Variants in STRN observed in about 807,000 individuals in gnomAD.
STRN encodes striatin.
In STRN, 53 loss-of-function variants were observed where a neutral mutation model predicts 96.3. The ratio of observed to expected loss-of-function variants is 0.55; its 90% CI spans 0.44 to 0.69. The LOEUF (loss-of-function observed/expected upper bound fraction) is 0.69, where lower values mean the gene tolerates loss of function less well. Among genes scored for constraint, STRN ranks in the 30% least tolerant of loss-of-function variants. The probability of loss-of-function intolerance (pLI) is 0.00; values close to 1 mark genes in which losing one functional copy is unlikely to be tolerated. For missense variants in STRN, 987 were observed against 963.9 expected (o/e 1.02, Z -0.32); for synonymous variants, 428 against 355.9 (o/e 1.20, Z -2.28).
chr2:36,957,759 T>TG, intron 1 of STRN, among the ~76,000 whole-genome samples: 6 of 114,582 alleles, frequency 5.2e-5, no homozygotes, highest in Non-Finnish European at 9.5e-5. Context: ...TTTTTTTTTT[T>TG]TTTTTTTTTT....
chr2:36,890,506 CAG>C (rs1669363816), intron 7 of STRN, among the ~76,000 whole-genome samples: 1 of 109,504 alleles, frequency 9.1e-6, no homozygotes. Context: ...TTTTTTGAGA[CAG>C]AGTCTCGCTC....
In STRN at chr2:36,861,225, T is replaced by C. The variant is rs1228185527; in HGVS notation, c.1576A>G (p.Ser526Gly). The C allele has an allele frequency of 1.2e-6, 2 of 1,613,950 alleles. No homozygotes were observed. The highest frequency in any genetic ancestry group is 2.2e-5 in the East Asian group (1 of 44,886). Residue 526 changes from serine (S) to glycine (G), a missense_variant, in exon 13 of 18, where the codon AGC (serine) becomes GGC (glycine). Transcript: ENST00000263918. Reference protein sequence around the residue: ...KGPVLCVVMSSNGEQCYSGGT... With the variant: ...KGPVLCVVMSGNGEQCYSGGT... ...CCACTGTAACACTGCTCACCATTGC[T>C]GCTCATTACCACACAAAGCACTGGA...
intron 1 of STRN, among the ~76,000 whole-genome samples, chr2:36,956,699 G>C (rs1476036962): frequency 1.3e-5 from 2 of 152,130 alleles, no homozygotes; most frequent in African/African-American, 4.8e-5. Flanking sequence ...TCAAGATTTT[G>C]GAGAAAAACT....
intron 3 of STRN, among the ~76,000 whole-genome samples, chr2:36,910,343 T>C (rs893767326): frequency 6.6e-5 from 10 of 152,156 alleles, no homozygotes; most frequent in Non-Finnish European, 1.5e-4. Context: ...TTTTTTTTCA[T>C]ATTAGTATTT....
chr2:36,959,416 T>C (rs1029234984), intron 1 of STRN, among the ~76,000 whole-genome samples: 5 of 152,210 alleles, frequency 3.3e-5, no homozygotes, highest in African/African-American at 7.2e-5. Flanking sequence ...ATGATTAGCC[T>C]GGCCCCTAGA....
At chr2:36,955,123 G>T (rs932358570) in intron 1 of STRN, among the ~76,000 whole-genome samples, 14 of 152,094 alleles carry the variant, frequency 9.2e-5, no homozygotes, top group African/African-American at 3.4e-4. Flanking sequence ...AAATTCACTT[G>T]GCTCCTTCAG....
In STRN at chr2:36,845,923, AC is replaced by A. The variant is rs1668060948; in HGVS notation, c.*3532del. ...CACACACACGCATGCATGCACACACACACACACACACACACACACACACACA... is the reference window on the plus strand; with the variant it reads ...CACACACACGCATGCATGCACACACAACACACACACACACACACACACACA... On this transcript the variant is annotated 3_prime_UTR_variant, in exon 18 of 18. Coordinates refer to ENST00000263918, the MANE Select transcript of STRN (RefSeq NM_003162.4). 1.2e-5 allele frequency: 1 copy of A among 82,780 alleles called. No individual in the cohort carries two copies. Among genetic ancestry groups the A allele is most frequent in the Admixed American group, 1.1e-4 (1 of 9,096 alleles). 5.1% of individuals were successfully genotyped at this position (82,780 alleles called of 1,614,324 possible). A position where few individuals can be genotyped will look rare whatever the true frequency, so the allele number is the denominator to read the frequency against.
intron 11 of STRN, among the ~76,000 whole-genome samples, chr2:36,868,591 A>G (rs1431894351): frequency 2.6e-5 from 4 of 152,222 alleles, no homozygotes; most frequent in African/African-American, 9.6e-5. Context: ...TATAACCAGT[A>G]AACTATTTTT....
intron 3 of STRN, among the ~76,000 whole-genome samples, chr2:36,911,428 C>CACTACTGCCTGCATGTCAAATCCAGCCT (rs1669963244): frequency 3.9e-5 from 6 of 152,170 alleles, no homozygotes; most frequent in Admixed American, 3.3e-4. Flanking sequence ...GGGGCCAGCA[C>CACTACTGCCTGCATGTCAAATCCAGCCT]ACTACTGCCT....
intron 6 of STRN, among the ~76,000 whole-genome samples, chr2:36,895,880 C>T (rs781084279): frequency 2.0e-5 from 3 of 151,968 alleles, no homozygotes; most frequent in African/African-American, 4.8e-5. Context: ...GCTGACATCA[C>T]GCCACTGCGC....
intron 15 of STRN, among the ~76,000 whole-genome samples, chr2:36,854,437 T>A (rs749090975): frequency 6.6e-6 from 1 of 152,046 alleles, no homozygotes; most frequent in Non-Finnish European, 1.5e-5. Flanking sequence ...AACAACAGGT[T>A]AGGAAGGGAA....
intron 2 of STRN, among the ~76,000 whole-genome samples, chr2:36,916,831 C>CTCGGATTTAACT (rs1670111883): frequency 6.6e-6 from 1 of 151,842 alleles, no homozygotes. Context: ...AGGATTTAAC[C>CTCGGATTTAACT]ATCTGATTTA....
At chr2:36,922,062 G>C (rs1373287619) in intron 2 of STRN, among the ~76,000 whole-genome samples, 5 of 152,128 alleles carry the variant, frequency 3.3e-5, no homozygotes, top group Admixed American at 3.3e-4. Context: ...AATATACACA[G>C]AGGTAGTTAG....
chr2:36,941,920 A>G (rs1017712735), intron 1 of STRN, among the ~76,000 whole-genome samples: 3 of 152,138 alleles, frequency 2.0e-5, no homozygotes, highest in Admixed American at 2.0e-4. Context: ...ACCACAACTT[A>G]CTTAACCATT....
At position 36,849,414 on chromosome 2, in the gene STRN, G is replaced by C; in HGVS notation, c.*42C>G. 3 of 1,604,506 alleles carry C rather than the reference G, an allele frequency of 1.9e-6. No individual in the cohort carries two copies. Among genetic ancestry groups the C allele is most frequent in the Non-Finnish European group, 2.6e-6 (3 of 1,174,096 alleles). ...TCTTCTGTATCTCTTGTGTGCAGTT[G>C]ATTACTTATAAACAGCTAGAAGGTG... On this transcript the variant is annotated 3_prime_UTR_variant, in exon 18 of 18. Transcript: ENST00000263918.
rs570830331 is a variant in STRN at position 36,934,709 on chromosome 2, G to A, written c.235-9501C>T. On this transcript the variant is annotated intron_variant, in intron 1 of 17. Transcript: ENST00000263918. ...CTCTTCCCAACGGAAGAAGGCTATCGACAATCTGTTCCCATCCCCTCTATC... is the reference window on the plus strand; with the variant it reads ...CTCTTCCCAACGGAAGAAGGCTATCAACAATCTGTTCCCATCCCCTCTATC... Among the ~76,000 whole-genome samples, 44 of 152,224 alleles carry A rather than the reference G, an allele frequency of 2.9e-4. No homozygotes were observed. In the South Asian group the frequency reaches 4.0e-3, roughly 14 times the overall value.
chr2:36,926,710 T>C (rs1468564034), intron 1 of STRN, among the ~76,000 whole-genome samples: 4 of 152,136 alleles, frequency 2.6e-5, no homozygotes, highest in Non-Finnish European at 5.9e-5. Flanking sequence ...AAATTTTACA[T>C]TACAATTAAA....
intron 12 of STRN, among the ~76,000 whole-genome samples, chr2:36,865,865 T>G (rs1193044728): frequency 6.6e-6 from 1 of 152,158 alleles, no homozygotes; most frequent in Non-Finnish European, 1.5e-5. Context: ...GGCCGAGATC[T>G]AATTTTTTGA....
chr2:36,901,797 T>C (rs748622630), intron 5 of STRN, among the ~76,000 whole-genome samples: 3 of 152,222 alleles, frequency 2.0e-5, no homozygotes, highest in Non-Finnish European at 4.4e-5. Context: ...ATAAAAGTCC[T>C]ACAGTGAACC....
Sources: gnomAD v4.1 joint callset for allele counts (sites outside exome capture counted in the v4.1 genomes callset) on GRCh38, gnomAD v4.1.1 for gene constraint, MANE v1.5 for transcripts, NCBI Gene and HGNC (gene_info 2026-07-23, HGNC 2026-07-21) for gene names.